Variants in UBR1 observed in about 807,000 individuals in gnomAD.
The protein encoded by UBR1 is ubiquitin protein ligase E3 component n-recognin 1, also known as E3 ubiquitin-protein ligase UBR1.
In UBR1, 102 loss-of-function variants were observed where a neutral mutation model predicts 242.1. The ratio of observed to expected loss-of-function variants is 0.42; its 90% confidence interval spans 0.36 to 0.50. The LOEUF is 0.50. Ranked by LOEUF, UBR1 falls within the 20% of genes least tolerant of loss-of-function variation. The pLI is 0.01. For missense variants in UBR1, 1,772 were observed against 2,101.8 expected (o/e 0.84, Z 3.07); for synonymous variants, 675 against 684.8 (o/e 0.99, Z 0.22).
intron 20 of UBR1, among the ~76,000 whole-genome samples, chr15:43,031,401 T>C (rs2033255800): frequency 6.6e-6 from 1 of 152,168 alleles, no homozygotes; most frequent in Non-Finnish European, 1.5e-5. Flanking sequence ...ATGCAAAAAT[T>C]TCCCTTGAGT....
At chr15:43,071,261 G>C (rs1010464531) in intron 4 of UBR1, among the ~76,000 whole-genome samples, 2 of 152,216 alleles carry the variant, frequency 1.3e-5, no homozygotes, top group East Asian at 3.9e-4. Flanking sequence ...AGCTTACAAA[G>C]ACTTTTCTCA....
In UBR1 at chr15:42,970,569, C is replaced by G. The variant is rs963190749; in HGVS notation, c.4408G>C (p.Ala1470Pro). 1 of 1,613,686 alleles carries G rather than the reference C, an allele frequency of 6.2e-7. No individual in the cohort carries two copies. The highest frequency in any genetic ancestry group is 1.3e-5 in the African/African-American group (1 of 74,924). The change falls in exon 40 of 47, where the codon GCT becomes CCT. Residue 1470 changes from alanine (A) to proline (P), a missense_variant. Physicochemically the swap from Ala to Pro is conservative, Grantham distance 27. Transcript: ENST00000290650. ...LAQVQEDSEE[A>P]HSASSFFAEI... ...GCAAAGAAAGAAGATGCGGAATGAG[C>G]CTCTTCACTGTCTTCTTGAACCTGA...
intron 41 of UBR1, among the ~76,000 whole-genome samples, chr15:42,964,752 G>A (rs577124290): frequency 1.1e-4 from 16 of 152,220 alleles, no homozygotes; most frequent in Non-Finnish European, 2.2e-4. Flanking sequence ...TACGTCAAAC[G>A]AAGCCTTGAC....
intron 38 of UBR1, among the ~76,000 whole-genome samples, chr15:42,977,383 C>T (rs1321965343): frequency 1.3e-5 from 2 of 152,106 alleles, no homozygotes; most frequent in Non-Finnish European, 2.9e-5. Flanking sequence ...GCTTTCTCTA[C>T]GGAACTTGGT....
intron 3 of UBR1, among the ~76,000 whole-genome samples, chr15:43,081,523 A>G (rs73413069): frequency 6.6e-6 from 1 of 152,032 alleles, no homozygotes; most frequent in African/African-American, 2.4e-5. Context: ...ATAGGTATAT[A>G]GTAACATCTC....
At position 42,969,761 on chromosome 15, in the gene UBR1, G is replaced by C. The variant is rs767360369; in HGVS notation, c.4457+759C>G. Among the ~76,000 whole-genome samples the C allele has an allele frequency of 2.3e-4, 35 of 152,192 alleles. 1 individual carries two copies. The highest frequency in any genetic ancestry group is 3.7e-4 in the Non-Finnish European group (25 of 67,984). ...CTCTCATTCACAATTGCTACAAAGA[G>C]AATACCTAGGAATACAACTTAAAAG... On this transcript the variant is annotated intron_variant, in intron 40 of 46. Transcript: ENST00000290650.
chr15:42,957,580 A>G (rs1400868467), intron 44 of UBR1, among the ~76,000 whole-genome samples: 1 of 152,194 alleles, frequency 6.6e-6, no homozygotes, highest in African/African-American at 2.4e-5. Flanking sequence ...CCGCTAAAAA[A>G]GGAAATTTGT....
chr15:43,029,817 G>T, intron 21 of UBR1, 127 bp downstream of exon 21: 2 of 1,020,070 alleles, frequency 2.0e-6, no homozygotes, highest in Non-Finnish European at 3.0e-6. Flanking sequence ...GAAGGTGATT[G>T]GTTTACATCT....
Position 42,950,424 on chromosome 15 carries a change from C to CA in UBR1, c.5007-62dup. The CA allele has an allele frequency of 4.2e-6, 6 of 1,427,846 alleles. No individual in the cohort carries two copies. In the South Asian group the frequency reaches 6.9e-5, roughly 16 times the overall value. 88.4% of individuals were successfully genotyped at this position (1,427,846 alleles called of 1,614,324 possible). ...GTATGTGTGCAAATGATAGGCACTGCATCAATGTTAACCTAGAGAAAAGAC... is the reference window on the plus strand; with the variant it reads ...GTATGTGTGCAAATGATAGGCACTGCAATCAATGTTAACCTAGAGAAAAGAC... On this transcript the variant is annotated intron_variant, in intron 45 of 46. Transcript: ENST00000290650.
In UBR1 at chr15:43,060,678, A is replaced by C. The variant is rs1268398377; in HGVS notation, c.799-564T>G. Among the ~76,000 whole-genome samples the C allele has an allele frequency of 2.0e-5, 3 of 152,308 alleles. No individual in the cohort carries two copies. In the South Asian group the frequency reaches 6.2e-4, roughly 32 times the overall value. ...AAAGTCAGGAAGCACTGTCTTCCTC[A>C]TTTAACCTTTACAATGACCCTATGA... On this transcript the variant is annotated intron_variant, in intron 6 of 46. Coordinates refer to ENST00000290650, the MANE Select transcript of UBR1 (RefSeq NM_174916.3).
At position 43,086,255 on chromosome 15, in the gene UBR1, G is replaced by A. The variant is rs780435867; in HGVS notation, c.82-15C>T. The A allele has an allele frequency of 1.8e-5, 29 of 1,613,298 alleles. 1 individual carries two copies. In the South Asian group the frequency reaches 3.2e-4, roughly 18 times the overall value. On this transcript the variant is annotated splice_polypyrimidine_tract_variant and intron_variant, in intron 1 of 46. Coordinates refer to ENST00000290650, the MANE Select transcript of UBR1 (RefSeq NM_174916.3). ...TGATCCCACCACTAAAAGAAAAGAA[G>A]ATGAAAATTAGACTGACTTACAAGT...
At chr15:43,048,338 G>T in intron 13 of UBR1, 54 bp downstream of exon 13, 1 of 1,422,438 alleles carries the variant, frequency 7.0e-7, no homozygotes, top group Non-Finnish European at 9.7e-7. Context: ...AAAGACTGCG[G>T]TTCAATTTTT....
chr15:43,013,732 T>C (rs192227933), intron 29 of UBR1, among the ~76,000 whole-genome samples: 77 of 152,314 alleles, frequency 5.1e-4, no homozygotes, highest in Middle Eastern at 6.8e-3. Context: ...ATAAGTACCA[T>C]AGAGTCTTCA....
At chr15:43,025,710 A>T (rs540055005) in intron 23 of UBR1, 8 of 346,882 alleles carry the variant, frequency 2.3e-5, no homozygotes, top group African/African-American at 1.0e-4. Context: ...TATGGGCTGT[A>T]AAGTATTTAC....
At chr15:42,984,824 TA>T in intron 36 of UBR1, 62 bp downstream of exon 36, 1 of 1,426,274 alleles carries the variant, frequency 7.0e-7, no homozygotes, top group Non-Finnish European at 9.8e-7. Flanking sequence ...TTTTTAATAA[TA>T]AACTGTGGGG....
intron 29 of UBR1, among the ~76,000 whole-genome samples, chr15:43,014,215 G>A (rs1162480275): frequency 1.3e-5 from 2 of 152,240 alleles, no homozygotes; most frequent in Admixed American, 6.5e-5. Flanking sequence ...GTGCAGTGGC[G>A]TGATCTCGGC....
intron 21 of UBR1, among the ~76,000 whole-genome samples, chr15:43,028,066 C>T (rs2033200138): frequency 6.6e-6 from 1 of 152,142 alleles, no homozygotes; most frequent in South Asian, 2.1e-4. Flanking sequence ...AGTTTGCCTT[C>T]ATATGTGTGT....
At chr15:43,019,114 T>C (rs2033068872) in intron 27 of UBR1, among the ~76,000 whole-genome samples, 1 of 152,032 alleles carries the variant, frequency 6.6e-6, no homozygotes, top group Admixed American at 6.6e-5. Flanking sequence ...CACGCTGGAG[T>C]GCAGTGGTGT....
intron 2 of UBR1, 136 bp from the exon 3 acceptor site, chr15:43,082,852 G>A: frequency 1.4e-6 from 1 of 705,054 alleles, no homozygotes; most frequent in Non-Finnish European, 2.5e-6. Flanking sequence ...AAACTGGATT[G>A]TTAAAATGTT....
Sources: allele counts gnomAD v4.1 joint callset (sites outside exome capture counted in the v4.1 genomes callset), GRCh38; gene constraint gnomAD v4.1.1; transcripts MANE v1.5; gene names NCBI Gene and HGNC (gene_info 2026-07-23, HGNC 2026-07-21).